The following TRIM66 variants were observed in gnomAD, a reference collection of about 807,000 sequenced individuals.
The protein encoded by TRIM66 is tripartite motif-containing protein 66.
In TRIM66, 99 loss-of-function variants were observed where a neutral mutation model predicts 148.2. The observed-to-expected ratio is 0.67, with a 90% confidence interval of 0.57 to 0.79. The LOEUF (loss-of-function observed/expected upper bound fraction) is 0.79, where lower values mean the gene tolerates loss of function less well. TRIM66 is among the 30% of genes least tolerant of loss of function. The pLI is 0.00. For synonymous variants in TRIM66, 616 were observed against 635.9 expected (o/e 0.97, Z 0.47); for missense variants, 1,666 against 1,697.9 (o/e 0.98, Z 0.33).
chr11:8,657,633 T>A (rs1402096811), intron 6 of TRIM66, among the ~76,000 whole-genome samples: 1 of 152,094 alleles, frequency 6.6e-6, no homozygotes, highest in African/African-American at 2.4e-5. Context: ...TCTAGTTGTA[T>A]CCTCTGGCAG....
Position 8,622,321 on chromosome 11 carries a change from G to A in TRIM66, c.3080+495C>T, listed in dbSNP as rs1186982297. Among the ~76,000 whole-genome samples, 196 of 95,618 alleles carry A rather than the reference G, an allele frequency of 2.0e-3. 8 individuals carry two copies. In the Admixed American group the frequency reaches 0.021, roughly 10 times the overall value. The allele number at this position is 95,618 out of a possible 152,430, so 62.7% of individuals were successfully genotyped here. On this transcript the variant is annotated intron_variant, in intron 18 of 24. Coordinates refer to ENST00000646038, the MANE Select transcript of TRIM66 (RefSeq NM_001388022.1). ...TATATATGTGTGTGTGTATATATAT[G>A]GAAGTACACACACACACAACACACA...
intron 3 of TRIM66, among the ~76,000 whole-genome samples, chr11:8,677,914 G>A (rs1201878238): frequency 6.6e-6 from 1 of 152,106 alleles, no homozygotes; most frequent in African/African-American, 2.4e-5. Flanking sequence ...CTTCCAATTA[G>A]ATTATTTTTA....
At position 8,640,160 on chromosome 11, in the gene TRIM66, G is replaced by A. The variant is rs564503416; in HGVS notation, c.2148+67C>T. 29 of 1,443,058 alleles carry A rather than the reference G, an allele frequency of 2.0e-5. No individual in the cohort carries two copies. The Admixed American group carries it at 4.9e-4, about 24-fold the overall frequency. The allele number at this position is 1,443,058 out of a possible 1,614,324, so 89.4% of individuals were successfully genotyped here. On this transcript the variant is annotated intron_variant, in intron 14 of 24. Transcript: ENST00000646038. The stretch of plus-strand genomic sequence containing the variant: ...ATTCCTGTGCTGCCTTGTTTTTGGG[G>A]AGGCTGTGTTCCCTGAGTGATCCTA...
chr11:8,662,211 A>G (rs1426562326), intron 6 of TRIM66, among the ~76,000 whole-genome samples: 1 of 152,160 alleles, frequency 6.6e-6, no homozygotes, highest in Non-Finnish European at 1.5e-5. Flanking sequence ...ACACTGCAGC[A>G]CCTGGAATGA....
chr11:8,628,636 A>AAAAAAAAAAAAAAAAAAAAAAG (rs1555042270), intron 15 of TRIM66, among the ~76,000 whole-genome samples: 1 of 93,340 alleles, frequency 1.1e-5, no homozygotes, highest in African/African-American at 3.5e-5. Flanking sequence ...AAAAAAAAAA[A>AAAAAAAAAAAAAAAAAAAAAAG]AGAGAGAGAA....
At position 8,638,838 on chromosome 11, in the gene TRIM66, G is replaced by C. The variant is rs1294957086; in HGVS notation, c.2149-23C>G. 9 of 1,548,086 alleles carry C rather than the reference G, an allele frequency of 5.8e-6. No individual in the cohort carries two copies. In the South Asian group the frequency reaches 9.6e-5, roughly 16 times the overall value. On this transcript the variant is annotated intron_variant, in intron 14 of 24. Coordinates refer to ENST00000646038, the MANE Select transcript of TRIM66 (RefSeq NM_001388022.1). Reference sequence around the variant, plus strand: ...AGCCTGGAGAAGAAAATAAGAACTTGGGTGGGTTTTACTGCAGACAGCGTA... The same window carrying C: ...AGCCTGGAGAAGAAAATAAGAACTTCGGTGGGTTTTACTGCAGACAGCGTA...
At chr11:8,645,998 A>G in intron 11 of TRIM66, 111 bp from the exon 12 acceptor site, 1 of 1,074,024 alleles carries the variant, frequency 9.3e-7, no homozygotes, top group Non-Finnish European at 1.3e-6. Flanking sequence ...ATGAGACTAC[A>G]CCCCTGAGAG....
chr11:8,682,801 C>A, upstream of TRIM66: 2 of 1,613,402 alleles, frequency 1.2e-6, no homozygotes, highest in Admixed American at 1.7e-5. Context: ...CCTTTTTCGT[C>A]TGGGCTGCCA....
intron 15 of TRIM66, 124 bp downstream of exon 15, chr11:8,638,530 T>G: frequency 1.9e-6 from 2 of 1,070,964 alleles, no homozygotes; most frequent in Non-Finnish European, 1.3e-6. Context: ...GAATCAGGGC[T>G]GTGTAGCGTC....
At chr11:8,638,526 G>C in intron 15 of TRIM66, 128 bp downstream of exon 15, 2 of 1,036,076 alleles carry the variant, frequency 1.9e-6, no homozygotes, top group Non-Finnish European at 2.8e-6. Context: ...GCATGAATCA[G>C]GGCTGTGTAG....
At chr11:8,677,493 T>G (rs1033594327) in intron 3 of TRIM66, among the ~76,000 whole-genome samples, 10 of 152,012 alleles carry the variant, frequency 6.6e-5, no homozygotes, top group Admixed American at 5.9e-4. Flanking sequence ...AAAACAGAAC[T>G]AGGAGGCTGG....
rs559895126 is a variant in TRIM66 at position 8,615,856 on chromosome 11, G to A, written c.*2088C>T. 1 of 152,312 alleles carries A rather than the reference G, an allele frequency of 6.6e-6. No individual in the cohort carries two copies. Among genetic ancestry groups the A allele is most frequent in the African/African-American group, 2.4e-5 (1 of 41,562 alleles). The allele number at this position is 152,312 out of a possible 1,614,324, so 9.4% of individuals were successfully genotyped here. A position where few individuals can be genotyped will look rare whatever the true frequency, so the allele number is the denominator to read the frequency against. On this transcript the variant is annotated 3_prime_UTR_variant, in exon 25 of 25. Transcript: ENST00000646038. ...GTGGTCTCCAATTGCTCCTGAGGAA[G>A]GATCAGGTCTGAGCCTGTCACAACA...
At chr11:8,651,725 G>C in intron 7 of TRIM66, 75 bp downstream of exon 7, 2 of 1,126,006 alleles carry the variant, frequency 1.8e-6, no homozygotes, top group Non-Finnish European at 2.6e-6. Flanking sequence ...GTGATGGATG[G>C]ATAGAAGACT....
chr11:8,652,846 A>G (rs2037479407), intron 6 of TRIM66, among the ~76,000 whole-genome samples: 1 of 152,250 alleles, frequency 6.6e-6, no homozygotes, highest in Admixed American at 6.5e-5. Context: ...AAAGAATGAT[A>G]TGATGGCAGT....
chr11:8,673,336 T>C (rs1316580825), intron 4 of TRIM66, among the ~76,000 whole-genome samples: 1 of 152,212 alleles, frequency 6.6e-6, no homozygotes, highest in Non-Finnish European at 1.5e-5. Flanking sequence ...TAATAAAGTT[T>C]TAAAAAGTAT....
Position 8,645,651 on chromosome 11 carries a change from C to T in TRIM66, c.1104+90G>A, listed in dbSNP as rs1250023419. ...CCTTCCATCCTAAAAAGAAAAGGCA[C>T]TTCCAAGGACTGCCTCATTGCCCCT... On this transcript the variant is annotated intron_variant, in intron 12 of 24. Transcript: ENST00000646038. 2.1e-6 allele frequency: 3 copies of T among 1,458,736 alleles called. No individual in the cohort carries two copies. The Admixed American group carries it at 6.7e-5, about 33-fold the overall frequency. 90.4% of individuals were successfully genotyped at this position (1,458,736 alleles called of 1,614,324 possible).
Position 8,646,472 on chromosome 11 carries a change from G to A in TRIM66, c.932C>T (p.Ala311Val), listed in dbSNP as rs745770980. The A allele has an allele frequency of 1.5e-5, 23 of 1,552,168 alleles. 1 individual carries two copies. In the South Asian group the frequency reaches 2.7e-4, roughly 18 times the overall value. Residue 311 changes from alanine to valine, a missense_variant, in exon 11 of 25, where the codon GCC (alanine) becomes GTC (valine). Ala to Val is a moderately conservative substitution (Grantham distance 64). This residue lies in a region of TRIM66 where 1,431 missense variants were observed against 1,412.4 expected (regional missense o/e 1.01). Coordinates refer to ENST00000646038, the MANE Select transcript of TRIM66 (RefSeq NM_001388022.1). ...CTCTAATTCCTCTATTAGCCCATTG[G>A]CCTGTTTGTTCAGCTCATTCATCAG... ...MVLMNELNKQANGLIEELEGI... is the reference protein window; with the variant it reads ...MVLMNELNKQVNGLIEELEGI...
chr11:8,633,642 A>G (rs1047528785), intron 15 of TRIM66, among the ~76,000 whole-genome samples: 6 of 152,130 alleles, frequency 3.9e-5, no homozygotes, highest in African/African-American at 1.4e-4. Flanking sequence ...ATTCTGAGCA[A>G]ATGCTGCTGT....
At position 8,621,686 on chromosome 11, in the gene TRIM66, T is replaced by C; in HGVS notation, c.3214A>G (p.Ile1072Val). ...GAGGACTCAGTGCCACACTCGATGA[T>C]CAGCAGGAAGCTCCCATCCTGATCA... ...KNDQDGSFLL[I>V]IECGTESSSM... Residue 1072 changes from isoleucine (I) to valine (V), a missense_variant, in exon 19 of 25, where the codon ATC (isoleucine) becomes GTC (valine). Physicochemically the swap from Ile to Val is conservative, Grantham distance 29. This residue lies in a region of TRIM66 where 1,431 missense variants were observed against 1,412.4 expected (regional missense o/e 1.01). Transcript: ENST00000646038. 1.3e-6 allele frequency: 2 copies of C among 1,549,986 alleles called. No individual in the cohort carries two copies. The highest frequency in any genetic ancestry group is 1.7e-6 in the Non-Finnish European group (2 of 1,146,280).
Sources: allele counts gnomAD v4.1 joint callset (sites outside exome capture counted in the v4.1 genomes callset), GRCh38; gene constraint gnomAD v4.1.1; regional missense constraint gnomAD v4.1.1; transcripts MANE v1.5; gene names NCBI Gene and HGNC (gene_info 2026-07-23, HGNC 2026-07-21).